Variants in INPP5D observed in about 807,000 individuals in gnomAD.
The protein encoded by INPP5D is phosphatidylinositol 3,4,5-trisphosphate 5-phosphatase 1.
INPP5D carries 33 observed loss-of-function variants against 122.9 expected under a neutral mutation model. The observed-to-expected ratio is 0.27, with a 90% CI of 0.20 to 0.36. INPP5D has a LOEUF of 0.36. Ranked by LOEUF, INPP5D falls within the 10% of genes least tolerant of loss-of-function variation. The pLI is 1.00. For synonymous variants in INPP5D, 584 were observed against 576.2 expected, an observed-to-expected ratio of 1.01 and a Z score of -0.19; for missense variants, 1,053 against 1,412.7, an observed-to-expected ratio of 0.75 and a Z score of 4.08.
At position 233,163,789 on chromosome 2, in the gene INPP5D, C is replaced by T. The variant is rs763327028; in HGVS notation, c.1323C>T (p.Tyr441=). 2.5e-6 allele frequency: 4 copies of T among 1,613,890 alleles called. No homozygotes were observed. The highest frequency in any genetic ancestry group is 1.7e-6 in the Non-Finnish European group (2 of 1,179,900). ...QGKTRDDSAD[Y]IPHDIYVIGT... is the part of the protein sequence containing the mutation. ...AGACGCGGGACGACTCTGCGGACTACATCCCCCATGACATTTACGTGATCG... is the reference window on the plus strand; with the variant it reads ...AGACGCGGGACGACTCTGCGGACTATATCCCCCATGACATTTACGTGATCG... Residue 441 remains tyrosine, a synonymous_variant, in exon 12 of 27, where the codon TAC becomes TAT. Coordinates refer to ENST00000445964, the MANE Select transcript of INPP5D (RefSeq NM_001017915.3).
intron 25 of INPP5D, among the ~76,000 whole-genome samples, chr2:233,201,919 T>C (rs1695350694): frequency 1.3e-5 from 2 of 152,216 alleles, no homozygotes; most frequent in Admixed American, 1.3e-4. Context: ...AGTCAATTTC[T>C]TGTTACCTTT....
intron 2 of INPP5D, among the ~76,000 whole-genome samples, chr2:233,097,752 C>G (rs1055033570): frequency 9.9e-5 from 15 of 152,114 alleles, no homozygotes; most frequent in Admixed American, 8.5e-4. Flanking sequence ...TTGTTTTGTG[C>G]AAATAATGGC....
At position 233,206,455 on chromosome 2, in the gene INPP5D, A is replaced by T. The variant is rs1695507494; in HGVS notation, c.3568-251A>T. Among the ~76,000 whole-genome samples the T allele has an allele frequency of 6.6e-6, 1 of 152,106 alleles. No individual in the cohort carries two copies. Among genetic ancestry groups the T allele is most frequent in the African/African-American group, 2.4e-5 (1 of 41,396 alleles). Reference sequence around the variant, plus strand: ...GGCATGAGGCTAGCTGGAACCCAAGAATTCAAGGCTGCAGTGAGCTATGAT... The same window carrying T: ...GGCATGAGGCTAGCTGGAACCCAAGTATTCAAGGCTGCAGTGAGCTATGAT... On this transcript the variant is annotated intron_variant, in intron 26 of 26. Transcript: ENST00000445964. The surrounding 1 kb of genome is among the most constrained non-coding windows in gnomAD (Gnocchi z 4.0).
intron 9 of INPP5D, among the ~76,000 whole-genome samples, chr2:233,149,884 T>C (rs758773187): frequency 1.3e-5 from 2 of 152,100 alleles, no homozygotes; most frequent in Non-Finnish European, 2.9e-5. Context: ...GTGCTCAATA[T>C]CATTGACTGT....
intron 2 of INPP5D, among the ~76,000 whole-genome samples, chr2:233,108,934 G>T (rs1692535616): frequency 6.6e-6 from 1 of 152,208 alleles, no homozygotes; most frequent in South Asian, 2.1e-4. Context: ...ACAACCCCCT[G>T]CCCAGTGCTA....
chr2:233,077,133 G>T (rs905926425), intron 1 of INPP5D, among the ~76,000 whole-genome samples: 11 of 151,932 alleles, frequency 7.2e-5, no homozygotes, highest in African/African-American at 2.7e-4. Context: ...ATCTTTTTTG[G>T]TGAAAAAAAC....
intron 1 of INPP5D, among the ~76,000 whole-genome samples, chr2:233,069,336 C>T (rs1691315685): frequency 1.3e-5 from 2 of 152,260 alleles, no homozygotes; most frequent in South Asian, 4.1e-4. Flanking sequence ...ACAGCAATGT[C>T]CTGTTCTTTA....
rs562701800 is a variant in INPP5D, at chr2:233,105,610, G to A, written c.199-16497G>A. On this transcript the variant is annotated intron_variant, in intron 2 of 26. Coordinates refer to ENST00000445964, the MANE Select transcript of INPP5D (RefSeq NM_001017915.3). The surrounding 1 kb of genome is among the most constrained non-coding windows in gnomAD (Gnocchi z 4.0). ...CTGATGCCGGGGGCTGAGCCGGGGG[G>A]AAGAGAGCCAGAGGGGAAGGGAAGG... Among the ~76,000 whole-genome samples, 5 of 152,278 alleles carry A rather than the reference G, an allele frequency of 3.3e-5. No homozygotes were observed. Among genetic ancestry groups the A allele is most frequent in the African/African-American group, 1.2e-4 (5 of 41,540 alleles).
intron 2 of INPP5D, among the ~76,000 whole-genome samples, chr2:233,121,815 C>T (rs570589669): frequency 3.3e-5 from 5 of 152,184 alleles, no homozygotes; most frequent in Admixed American, 2.0e-4. Context: ...TGTGAGCCAC[C>T]GTGCCTGGCC....
rs185386726 is a variant in INPP5D at position 233,100,985 on chromosome 2, C to T, written c.199-21122C>T. ...GGTAATCCCCTCCGTGTGCCCCCAA[C>T]GAGTCATTCACCATCTTGTGCTAAC... is the stretch of plus-strand genomic sequence containing the variant. On this transcript the variant is annotated intron_variant, in intron 2 of 26. Coordinates refer to ENST00000445964, the MANE Select transcript of INPP5D (RefSeq NM_001017915.3). This position sits in a 1 kb window ranked among gnomAD's most constrained non-coding sequence, Gnocchi z 5.3. Among the ~76,000 whole-genome samples, 1,096 of 132,740 alleles carry T rather than the reference C, an allele frequency of 8.3e-3. 12 individuals are homozygous for T. The highest frequency in any genetic ancestry group is 0.032 in the African/African-American group (1,019 of 31,708). The allele number at this position is 132,740 out of a possible 152,430, so 87.1% of individuals were successfully genotyped here.
In INPP5D at chr2:233,204,249, C is replaced by T. The variant is rs1210915512; in HGVS notation, c.3099C>T (p.Pro1033=). 19 of 1,613,476 alleles carry T rather than the reference C, an allele frequency of 1.2e-5. No homozygotes were observed. Among genetic ancestry groups the T allele is most frequent in the Non-Finnish European group, 1.5e-5 (18 of 1,179,882 alleles). ...TGAGTTCCTTCCCTAAGCCTGCTCC[C>T]AGGAAGGACCAGGAATCCCCCAAAA... ...GSLSSFPKPA[P]RKDQESPKMP... The change falls in exon 26 of 27, where the codon CCC becomes CCT. Residue 1033 remains proline, a synonymous_variant. Transcript: ENST00000445964.
chr2:233,128,488 T>A lies in INPP5D; in HGVS notation c.525-2020T>A, dbSNP rs10176163. Among the ~76,000 whole-genome samples the A allele has an allele frequency of 0.36, 55,378 of 151,968 alleles. 11,912 individuals carry two copies. The highest frequency in any genetic ancestry group is 0.48 in the Non-Finnish European group (32,450 of 67,962). On this transcript the variant is annotated intron_variant, in intron 4 of 26. Coordinates refer to ENST00000445964, the MANE Select transcript of INPP5D (RefSeq NM_001017915.3). The surrounding 1 kb of genome is among the most constrained non-coding windows in gnomAD (Gnocchi z 4.5). ...ATGGGTAAGCCAGTCCTGTTCAGTA[T>A]TTTTTTTGAGATGGAGTCTCGCTCT...
chr2:233,133,843 G>T, intron 5 of INPP5D: 1 of 402,306 alleles, frequency 2.5e-6, no homozygotes, highest in African/African-American at 2.0e-5. Context: ...AGACAGGATG[G>T]CAGTCCATGA....
intron 9 of INPP5D, among the ~76,000 whole-genome samples, chr2:233,151,667 C>T (rs1401107197): frequency 6.6e-6 from 1 of 152,228 alleles, no homozygotes; most frequent in African/African-American, 2.4e-5. Flanking sequence ...AATCCCAGTT[C>T]TGTCTCCCCT....
chr2:233,165,556 ATGTG>A (rs957583013), intron 13 of INPP5D, among the ~76,000 whole-genome samples: 4 of 128,594 alleles, frequency 3.1e-5, no homozygotes, highest in Non-Finnish European at 5.0e-5. Flanking sequence ...GTGAGTGTCT[ATGTG>A]TGTGTGTCCA....
intron 3 of INPP5D, among the ~76,000 whole-genome samples, chr2:233,124,128 T>C (rs201179628): frequency 1.8e-4 from 27 of 150,694 alleles, no homozygotes; most frequent in Non-Finnish European, 3.5e-4. Flanking sequence ...TTTTTTTTTT[T>C]AAAGGCTTAT....
At chr2:233,064,838 A>G (rs575190229) in intron 1 of INPP5D, among the ~76,000 whole-genome samples, 126 of 152,320 alleles carry the variant, frequency 8.3e-4, no homozygotes, top group Non-Finnish European at 1.4e-3. Context: ...CTGTGGTGTG[A>G]GCGGGTGGCT....
intron 9 of INPP5D, among the ~76,000 whole-genome samples, chr2:233,148,341 C>G (rs1342172863): frequency 7.5e-6 from 1 of 132,606 alleles, no homozygotes; most frequent in Non-Finnish European, 1.6e-5. Flanking sequence ...CAAAACAGGG[C>G]AAAGGGGTAG....
intron 2 of INPP5D, among the ~76,000 whole-genome samples, chr2:233,097,545 T>C (rs1325689087): frequency 6.6e-6 from 1 of 152,218 alleles, no homozygotes; most frequent in African/African-American, 2.4e-5. Context: ...ACCTGCTCTG[T>C]TACTGAGTGT....
Sources: gnomAD v4.1 joint callset for allele counts (sites outside exome capture counted in the v4.1 genomes callset) on GRCh38, gnomAD v4.1.1 for gene constraint, Gnocchi (gnomAD v3.1) non-coding constraint, MANE v1.5 for transcripts, NCBI Gene and HGNC (gene_info 2026-07-23, HGNC 2026-07-21) for gene names.